PLCG2: variants seen among roughly 807,000 people sequenced by gnomAD.
The protein encoded by PLCG2 is 1-phosphatidylinositol 4,5-bisphosphate phosphodiesterase gamma-2.
A neutral mutation model predicts 175.6 loss-of-function variants in PLCG2; 69 were observed. The ratio of observed to expected loss-of-function variants is 0.39; its 90% confidence interval spans 0.32 to 0.48. The LOEUF (loss-of-function observed/expected upper bound fraction) is 0.48. PLCG2 is among the 20% of genes least tolerant of loss of function. The pLI is 0.91. For synonymous variants in PLCG2, 827 were observed against 624.0 expected (o/e 1.33, Z -4.85); for missense variants, 1,798 against 1,650.9 (o/e 1.09, Z -1.54).
chr16:81,927,047 G>C (rs768177503), intron 22 of PLCG2, 35 bp from the exon 23 acceptor site: 5 of 1,419,140 alleles, frequency 3.5e-6, no homozygotes, highest in South Asian at 2.3e-5. Flanking sequence ...ATGCCACCTG[G>C]TGACAGCGCC....
chr16:81,854,497 G>A lies in PLCG2; in HGVS notation c.247G>A (p.Glu83Lys). Residue 83 changes from glutamate (E) to lysine (K), a missense_variant, in exon 3 of 33, where the codon GAG becomes AAG. By Grantham distance (56) the Glu-to-Lys change is moderately conservative (BLOSUM62 1). Coordinates refer to ENST00000564138, the MANE Select transcript of PLCG2 (RefSeq NM_002661.5). Reference sequence around the variant, plus strand: ...CCCAGGGAAGAACTCCAAAGATTTCGAGCGAGCAAAAGCAGTTCGCCAGAA... The same window carrying A: ...CCCAGGGAAGAACTCCAAAGATTTCAAGCGAGCAAAAGCAGTTCGCCAGAA... ...IRPGKNSKDF[E>K]RAKAVRQKED... 2 of 1,613,986 alleles carry A rather than the reference G, an allele frequency of 1.2e-6. No individual in the cohort carries two copies. Among genetic ancestry groups the A allele is most frequent in the Non-Finnish European group, 1.7e-6 (2 of 1,179,866 alleles).
At chr16:81,920,859 G>A (rs1425550970) in intron 20 of PLCG2, among the ~76,000 whole-genome samples, 1 of 152,220 alleles carries the variant, frequency 6.6e-6, no homozygotes, top group Non-Finnish European at 1.5e-5. Flanking sequence ...CCTGGAACGT[G>A]GAGTCAGGAA....
chr16:81,762,375 C>T (rs542724505), intron 2 of PLCG2, among the ~76,000 whole-genome samples: 1 of 151,886 alleles, frequency 6.6e-6, no homozygotes, highest in African/African-American at 2.4e-5. Context: ...TCAAGACCAG[C>T]CTGGCCAACA....
At chr16:81,782,110 T>C (rs9319571) in intron 1 of PLCG2, among the ~76,000 whole-genome samples, 128,368 of 151,804 alleles carry the variant, frequency 0.85, 54,345 homozygotes, top group South Asian at 0.95. Context: ...TCTCCTGACC[T>C]CATGATCCGC....
intron 1 of PLCG2, among the ~76,000 whole-genome samples, chr16:81,782,112 A>AG (rs33998770): frequency 6.6e-6 from 1 of 151,940 alleles, no homozygotes; most frequent in Non-Finnish European, 1.5e-5. Context: ...TCCTGACCTC[A>AG]TGATCCGCCC....
chr16:81,922,138 G>T (rs575109192), intron 21 of PLCG2, among the ~76,000 whole-genome samples: 1 of 152,152 alleles, frequency 6.6e-6, no homozygotes, highest in South Asian at 2.1e-4. Context: ...CTGTTTGCAG[G>T]TGGGGGAGAG....
intron 15 of PLCG2, among the ~76,000 whole-genome samples, chr16:81,905,822 G>C (rs1909345650): frequency 6.6e-6 from 1 of 152,014 alleles, no homozygotes. Flanking sequence ...ACCATGCCTG[G>C]CTAATTTTTT....
At chr16:81,870,775 ATT>A in intron 6 of PLCG2, 75 bp from the exon 7 acceptor site, 15 of 742,380 alleles carry the variant, frequency 2.0e-5, no homozygotes, top group South Asian at 5.5e-5. Context: ...TGAAACAAAA[ATT>A]ATTCTATAAA....
At chr16:81,823,823 C>T (rs565087198) in intron 2 of PLCG2, among the ~76,000 whole-genome samples, 103 of 152,084 alleles carry the variant, frequency 6.8e-4, no homozygotes, top group African/African-American at 2.4e-3. Flanking sequence ...AACCACTGCA[C>T]CCAGACAATT....
At chr16:81,763,098 A>C (rs1463529502) in intron 2 of PLCG2, among the ~76,000 whole-genome samples, 1 of 152,184 alleles carries the variant, frequency 6.6e-6, no homozygotes, top group Non-Finnish European at 1.5e-5. Flanking sequence ...TAAAATACAA[A>C]AGATAAAAAT....
chr16:81,886,743 A>G (rs1908386226), intron 9 of PLCG2, among the ~76,000 whole-genome samples: 1 of 152,218 alleles, frequency 6.6e-6, no homozygotes, highest in South Asian at 2.1e-4. Context: ...CCCCATTTAT[A>G]TAACATGGAG....
At chr16:81,898,939 C>G (rs1025152105) in intron 13 of PLCG2, among the ~76,000 whole-genome samples, 4 of 150,808 alleles carry the variant, frequency 2.7e-5, no homozygotes, top group Non-Finnish European at 5.9e-5. Context: ...AATCCCAGCA[C>G]TTTCGGAGGC....
chr16:81,808,184 A>C (rs1904290569), intron 2 of PLCG2, among the ~76,000 whole-genome samples: 1 of 152,210 alleles, frequency 6.6e-6, no homozygotes, highest in Admixed American at 6.5e-5. Flanking sequence ...CCATGCAGTA[A>C]CCATTCATTT....
At chr16:81,786,219 T>A in intron 2 of PLCG2, 37 bp downstream of exon 2, 6 of 1,562,912 alleles carry the variant, frequency 3.8e-6, no homozygotes, top group Non-Finnish European at 5.3e-6. Context: ...TGGCCCGTCC[T>A]CTGGGGCCCT....
intron 31 of PLCG2, among the ~76,000 whole-genome samples, chr16:81,949,692 C>T (rs12928126): frequency 6.6e-6 from 1 of 152,164 alleles, no homozygotes; most frequent in African/African-American, 2.4e-5. Context: ...AGTACAGTTA[C>T]ATCTTACAGG....
chr16:81,812,620 C>G (rs1597332812), intron 2 of PLCG2, among the ~76,000 whole-genome samples: 1 of 152,026 alleles, frequency 6.6e-6, no homozygotes, highest in African/African-American at 2.4e-5. Context: ...AATTTTTCTT[C>G]CATTCTGTAT....
At chr16:81,928,894 CTTA>C (rs1315302593) in intron 24 of PLCG2, 13 of 405,584 alleles carry the variant, frequency 3.2e-5, no homozygotes, top group Non-Finnish European at 5.4e-5. Flanking sequence ...CAGCGTCACT[CTTA>C]TTATTTCAGG....
At chr16:81,754,311 A>C (rs954080002) in intron 1 of PLCG2, among the ~76,000 whole-genome samples, 21 of 4,886 alleles carry the variant, frequency 4.3e-3, no homozygotes, top group African/African-American at 5.3e-3. Flanking sequence ...CGCCTCCCCC[A>C]CCTCCTTCCC....
At chr16:81,919,374 C>T (rs1909969328) in intron 19 of PLCG2, 110 bp from the exon 20 acceptor site, 1 of 766,526 alleles carries the variant, frequency 1.3e-6, no homozygotes, top group Non-Finnish European at 2.2e-6. Flanking sequence ...TTTATTTACC[C>T]ACTTCTCTAA....
Sources: allele counts gnomAD v4.1 joint callset (sites outside exome capture counted in the v4.1 genomes callset), GRCh38; gene constraint gnomAD v4.1.1; transcripts MANE v1.5; gene names NCBI Gene and HGNC (gene_info 2026-07-23, HGNC 2026-07-21).